Variants in PREP observed in about 807,000 individuals in gnomAD.
PREP encodes dJ355L5.1 (prolyl endopeptidase).
PREP carries 29 observed loss-of-function variants against 87.6 expected under a neutral mutation model. The observed-to-expected ratio is 0.33, with a 90% CI of 0.25 to 0.45. The LOEUF (loss-of-function observed/expected upper bound fraction) is 0.45. Ranked by LOEUF, PREP falls within the 20% of genes least tolerant of loss-of-function variation. The pLI is 1.00. For synonymous variants in PREP, 337 were observed against 328.6 expected (o/e 1.03, Z -0.28); for missense variants, 695 against 886.5 (o/e 0.78, Z 2.74).
chr6:105,322,950 C>T, intron 10 of PREP: 1 of 1,257,132 alleles, frequency 8.0e-7, no homozygotes, highest in Non-Finnish European at 1.0e-6. Context: ...GTTCTGATTC[C>T]TAATCTGTGG....
intron 7 of PREP, among the ~76,000 whole-genome samples, chr6:105,339,896 T>C (rs116278227): frequency 0.018 from 2,694 of 151,804 alleles, 97 homozygotes; most frequent in African/African-American, 0.061. Flanking sequence ...TGTGAAAAGA[T>C]CAAATGTGGT....
chr6:105,332,561 C>G (rs1334319833), intron 8 of PREP, among the ~76,000 whole-genome samples: 2 of 152,136 alleles, frequency 1.3e-5, no homozygotes, highest in Non-Finnish European at 2.9e-5. Flanking sequence ...TATCCTCAAT[C>G]TACCCAGCAG....
At chr6:105,391,153 A>G (rs539614030) in intron 2 of PREP, among the ~76,000 whole-genome samples, 1 of 150,452 alleles carries the variant, frequency 6.6e-6, no homozygotes, top group African/African-American at 2.5e-5. Flanking sequence ...TGAGGCCTCA[A>G]GTGGATCACT....
rs1769927613 is a variant in PREP, at chr6:105,276,219, G to C, written c.*1925C>G. 6.6e-6 allele frequency among the ~76,000 whole-genome samples: 1 copy of C among 152,200 alleles called. No homozygotes were observed. The highest frequency in any genetic ancestry group is 1.5e-5 in the Non-Finnish European group (1 of 68,020). On this transcript the variant is annotated 3_prime_UTR_variant, in exon 15 of 15. Transcript: ENST00000652536. ...TAGACACAAAAATTAGGTTGGAAAA[G>C]AGAACTCGTAACTGGAGGCCAATCA...
At chr6:105,382,613 C>T (rs190953640) in intron 2 of PREP, among the ~76,000 whole-genome samples, 42 of 150,992 alleles carry the variant, frequency 2.8e-4, no homozygotes, top group African/African-American at 1.0e-3. Context: ...AATATTTATA[C>T]AAAACACTAC....
chr6:105,296,702 T>C (rs967985717), intron 10 of PREP, among the ~76,000 whole-genome samples: 1 of 152,228 alleles, frequency 6.6e-6, no homozygotes, highest in African/African-American at 2.4e-5. Flanking sequence ...TCCCTTTCAA[T>C]CCCTATATGG....
intron 2 of PREP, among the ~76,000 whole-genome samples, chr6:105,397,028 T>C (rs1237125131): frequency 1.3e-5 from 2 of 151,656 alleles, no homozygotes; most frequent in African/African-American, 4.8e-5. Flanking sequence ...CTACTAAAAA[T>C]ACAAAAACTA....
rs913819800 is a variant in PREP, at chr6:105,276,494, G to C, written c.*1650C>G. 6.6e-6 allele frequency among the ~76,000 whole-genome samples: 1 copy of C among 152,198 alleles called. No homozygotes were observed. Among genetic ancestry groups the C allele is most frequent in the Non-Finnish European group, 1.5e-5 (1 of 68,032 alleles). On this transcript the variant is annotated 3_prime_UTR_variant, in exon 15 of 15. Coordinates refer to ENST00000652536, the MANE Select transcript of PREP (RefSeq NM_002726.5). ...CTAGTCTAGGAAAGAGGCTGCCTCT[G>C]GCTTGACCATGCAAATGTATTTTCT...
chr6:105,354,764 A>G (rs151018409), intron 6 of PREP, among the ~76,000 whole-genome samples: 197 of 152,184 alleles, frequency 1.3e-3, no homozygotes, highest in African/African-American at 4.6e-3. Flanking sequence ...CTCCACAATC[A>G]CATGAGCCAA....
At chr6:105,336,816 C>T (rs1364994094) in intron 7 of PREP, among the ~76,000 whole-genome samples, 1 of 152,102 alleles carries the variant, frequency 6.6e-6, no homozygotes, top group Non-Finnish European at 1.5e-5. Context: ...TATAAACTTC[C>T]AGGTCTATAA....
chr6:105,354,436 C>A (rs1397514641), intron 6 of PREP, among the ~76,000 whole-genome samples: 1 of 152,080 alleles, frequency 6.6e-6, no homozygotes, highest in East Asian at 1.9e-4. Context: ...TCTTCCATAC[C>A]CTTATTATGA....
rs111234253 is a variant in PREP at position 105,360,761 on chromosome 6, A to T, written c.718-7684T>A. On this transcript the variant is annotated intron_variant, in intron 6 of 14. Transcript: ENST00000652536. ...ACAGAATTTAGAGGGACAAGTAGCA[A>T]CTGGAGTCTTTTTAAGGGAATCTAG... Among the ~76,000 whole-genome samples the T allele has an allele frequency of 4.9e-3, 747 of 152,368 alleles. 2 individuals are homozygous for T. Among genetic ancestry groups the T allele is most frequent in the African/African-American group, 0.017 (691 of 41,590 alleles).
intron 2 of PREP, among the ~76,000 whole-genome samples, chr6:105,384,137 C>T (rs923036301): frequency 3.3e-5 from 5 of 151,968 alleles, no homozygotes; most frequent in Admixed American, 6.6e-5. Context: ...AGGGTGTGAC[C>T]GCTGCTGGCC....
chr6:105,372,420 A>G (rs1034577325), intron 5 of PREP, among the ~76,000 whole-genome samples: 3 of 152,212 alleles, frequency 2.0e-5, no homozygotes, highest in African/African-American at 7.2e-5. Flanking sequence ...ACCAACCAAC[A>G]TAACAAGAAA....
chr6:105,275,766 G>T lies in PREP; in HGVS notation c.*2378C>A, dbSNP rs150738676. On this transcript the variant is annotated 3_prime_UTR_variant, in exon 15 of 15. Coordinates refer to ENST00000652536, the MANE Select transcript of PREP (RefSeq NM_002726.5). ...ATGATTTAGCCATGAAAAAGACTGA[G>T]ATCCTGTCATTTGCAGCAACATGGA... Among the ~76,000 whole-genome samples the T allele has an allele frequency of 5.1e-4, 77 of 152,288 alleles. No individual in the cohort carries two copies. Among genetic ancestry groups the T allele is most frequent in the African/African-American group, 1.7e-3 (72 of 41,556 alleles).
intron 3 of PREP, 125 bp downstream of exon 3, chr6:105,377,261 T>C (rs1213225509): frequency 3.6e-6 from 4 of 1,120,658 alleles, no homozygotes; most frequent in South Asian, 3.3e-5. Flanking sequence ...TATTCAGGCA[T>C]AGAAATTAAT....
chr6:105,372,578 A>C (rs1188262272), intron 5 of PREP, among the ~76,000 whole-genome samples: 1 of 152,198 alleles, frequency 6.6e-6, no homozygotes, highest in South Asian at 2.1e-4. Flanking sequence ...ACACAACAGG[A>C]TCTTTGTGCA....
chr6:105,350,016 C>T (rs1443373255), intron 7 of PREP, among the ~76,000 whole-genome samples: 2 of 151,736 alleles, frequency 1.3e-5, no homozygotes, highest in Admixed American at 1.3e-4. Flanking sequence ...GACATGTTCC[C>T]TCACAGTCTT....
chr6:105,338,236 C>T (rs568280180), intron 7 of PREP, among the ~76,000 whole-genome samples: 2 of 152,318 alleles, frequency 1.3e-5, no homozygotes, highest in Middle Eastern at 6.8e-3. Flanking sequence ...CACAAAATAA[C>T]CACCTTATGG....
Sources: gnomAD v4.1 joint callset for allele counts (sites outside exome capture counted in the v4.1 genomes callset) on GRCh38, gnomAD v4.1.1 for gene constraint, MANE v1.5 for transcripts, NCBI Gene and HGNC (gene_info 2026-07-23, HGNC 2026-07-21) for gene names.